RIT2: variants seen among roughly 807,000 people sequenced by gnomAD.
RIT2 encodes Ras like without CAAX 2.
Under a neutral mutation model 23.7 loss-of-function variants are expected in RIT2, and 24 were observed. The observed-to-expected ratio is 1.01, with a 90% CI of 0.73 to 1.43. The LOEUF is 1.43. Among genes scored for constraint, RIT2 ranks in the 40% most tolerant of loss-of-function variants. The pLI, the probability that RIT2 is intolerant of heterozygous loss-of-function variation, is 0.00. For synonymous variants in RIT2, 107 were observed against 91.1 expected (o/e 1.17, Z -0.99); for missense variants, 236 against 266.9 (o/e 0.88, Z 0.81).
chr18:43,095,180 A>G (rs987256277), intron 1 of RIT2, among the ~76,000 whole-genome samples: 2 of 152,114 alleles, frequency 1.3e-5, no homozygotes, highest in Non-Finnish European at 2.9e-5. Context: ...TCCCACGAAC[A>G]GTGTAAAAGC....
chr18:42,859,985 A>G (rs529711296), intron 4 of RIT2, among the ~76,000 whole-genome samples: 45 of 152,288 alleles, frequency 3.0e-4, no homozygotes, highest in African/African-American at 9.1e-4. Flanking sequence ...GATTTAAAAA[A>G]AAAAATTAGA....
chr18:42,787,041 G>A (rs973825111), intron 4 of RIT2, among the ~76,000 whole-genome samples: 1 of 152,028 alleles, frequency 6.6e-6, no homozygotes, highest in Non-Finnish European at 1.5e-5. Flanking sequence ...GTTTCCAGGA[G>A]GGATGAAGGG....
chr18:43,063,114 T>C (rs1325537135), intron 1 of RIT2, among the ~76,000 whole-genome samples: 2 of 152,194 alleles, frequency 1.3e-5, no homozygotes, highest in African/African-American at 4.8e-5. Context: ...AAATTACAGC[T>C]GGACTCATGC....
chr18:42,886,236 C>G (rs1303191238), intron 4 of RIT2, among the ~76,000 whole-genome samples: 2 of 152,182 alleles, frequency 1.3e-5, no homozygotes, highest in Admixed American at 6.5e-5. Context: ...TCAAAAGCAT[C>G]ATAAAATCTT....
chr18:42,854,533 TAC>T (rs1907135018), intron 4 of RIT2, among the ~76,000 whole-genome samples: 1 of 152,184 alleles, frequency 6.6e-6, no homozygotes, highest in Admixed American at 6.5e-5. Flanking sequence ...ATTGAGCCCC[TAC>T]CTTTCTTTTA....
At chr18:43,016,558 T>C (rs538658539) in intron 2 of RIT2, among the ~76,000 whole-genome samples, 1 of 151,872 alleles carries the variant, frequency 6.6e-6, no homozygotes, top group African/African-American at 2.4e-5. Context: ...TAAGACGTTT[T>C]ATCCCCCCAC....
chr18:42,840,854 A>G (rs751189090), intron 4 of RIT2, among the ~76,000 whole-genome samples: 36 of 152,214 alleles, frequency 2.4e-4, no homozygotes, highest in Admixed American at 4.6e-4. Flanking sequence ...TGGGGTATCT[A>G]TGGCTTAAAG....
At chr18:43,047,756 G>C (rs1182510161) in intron 1 of RIT2, among the ~76,000 whole-genome samples, 1 of 152,176 alleles carries the variant, frequency 6.6e-6, no homozygotes, top group Non-Finnish European at 1.5e-5. Context: ...CCATGAAATG[G>C]AGCATGGTTA....
intron 4 of RIT2, among the ~76,000 whole-genome samples, chr18:42,794,096 G>A (rs920610131): frequency 1.3e-5 from 2 of 151,988 alleles, no homozygotes; most frequent in African/African-American, 4.8e-5. Flanking sequence ...TATCTCATAA[G>A]CATACATTCT....
chr18:42,914,419 A>C (rs1030279243), intron 4 of RIT2, among the ~76,000 whole-genome samples: 1 of 152,120 alleles, frequency 6.6e-6, no homozygotes, highest in Admixed American at 6.6e-5. Context: ...TGAATAAACA[A>C]ATTGTGATAT....
At chr18:42,837,153 CTTTTTTTTTTTTTTT>C (rs570701535) in intron 4 of RIT2, among the ~76,000 whole-genome samples, 1,547 of 51,678 alleles carry the variant, frequency 0.03, 20 homozygotes, top group African/African-American at 0.095. Context: ...TTTTCTTTTT[CTTTTTTTTTTTTTTT>C]TTTTTTTTTT....
chr18:42,890,977 T>C (rs1241632596), intron 4 of RIT2, among the ~76,000 whole-genome samples: 4 of 152,140 alleles, frequency 2.6e-5, no homozygotes, highest in Non-Finnish European at 5.9e-5. Flanking sequence ...ATTTAGTTTA[T>C]AGTTGAAGAG....
chr18:42,854,249 A>G (rs915541883), intron 4 of RIT2, among the ~76,000 whole-genome samples: 10 of 152,184 alleles, frequency 6.6e-5, no homozygotes, highest in Admixed American at 5.2e-4. Context: ...CCAATTCTCC[A>G]ATCAATAGGT....
At chr18:43,052,589 A>C (rs570072121) in intron 1 of RIT2, among the ~76,000 whole-genome samples, 84 of 152,216 alleles carry the variant, frequency 5.5e-4, no homozygotes, top group African/African-American at 2.0e-3. Context: ...TGAACGAAAA[A>C]GTCCAGGGGC....
chr18:42,851,073 A>G (rs1907042141), intron 4 of RIT2, among the ~76,000 whole-genome samples: 1 of 152,226 alleles, frequency 6.6e-6, no homozygotes, highest in African/African-American at 2.4e-5. Flanking sequence ...ATAATGAATT[A>G]ATTGGCAGTG....
intron 2 of RIT2, among the ~76,000 whole-genome samples, chr18:43,005,798 A>G (rs1911214017): frequency 6.6e-6 from 1 of 151,814 alleles, no homozygotes; most frequent in South Asian, 2.1e-4. Context: ...TGTAAGAGAA[A>G]ACAGAAACAG....
chr18:42,850,766 G>A (rs2144035726), intron 4 of RIT2, among the ~76,000 whole-genome samples: 1 of 152,242 alleles, frequency 6.6e-6, no homozygotes, highest in South Asian at 2.1e-4. Flanking sequence ...TCAGGGCCCA[G>A]ATCTATCCTT....
intron 1 of RIT2, among the ~76,000 whole-genome samples, chr18:43,034,487 A>G (rs1911931053): frequency 6.6e-6 from 1 of 152,088 alleles, no homozygotes; most frequent in South Asian, 2.1e-4. Flanking sequence ...CATTTGTAAT[A>G]TTTCTATTGT....
chr18:42,980,367 C>T (rs542645313), intron 2 of RIT2, among the ~76,000 whole-genome samples: 1 of 152,142 alleles, frequency 6.6e-6, no homozygotes, highest in Non-Finnish European at 1.5e-5. Flanking sequence ...ATCTGACTTA[C>T]ACAGCAATTG....
Sources: allele counts gnomAD v4.1 joint callset (sites outside exome capture counted in the v4.1 genomes callset), GRCh38; gene constraint gnomAD v4.1.1; transcripts MANE v1.5; gene names NCBI Gene and HGNC (gene_info 2026-07-23, HGNC 2026-07-21).